The following MYO16 variants were observed in gnomAD, a reference collection of about 807,000 sequenced individuals.
MYO16 encodes myosin XVI.
In MYO16, 94 loss-of-function variants were observed where a neutral mutation model predicts 205.3. The observed-to-expected ratio is 0.46, with a 90% CI of 0.39 to 0.54. MYO16 has a LOEUF of 0.54. Among genes scored for constraint, MYO16 ranks in the 20% least tolerant of loss-of-function variants. The pLI, the probability that MYO16 is intolerant of heterozygous loss-of-function variation, is 0.00. For synonymous variants in MYO16, 988 were observed against 954.0 expected (o/e 1.04, Z -0.66); for missense variants, 2,315 against 2,387.5 (o/e 0.97, Z 0.63).
chr13:108,776,878 A>G (rs1886140986), intron 4 of MYO16, among the ~76,000 whole-genome samples: 1 of 152,184 alleles, frequency 6.6e-6, no homozygotes, highest in Admixed American at 6.5e-5. Flanking sequence ...CAGAGATTTG[A>G]ACTGGATTTG....
chr13:108,963,053 C>T (rs1418153888), intron 19 of MYO16, among the ~76,000 whole-genome samples: 3 of 152,220 alleles, frequency 2.0e-5, no homozygotes, highest in Admixed American at 6.5e-5. Context: ...GAATTAGAAT[C>T]TAGCGCTGTC....
At chr13:108,744,021 A>G (rs1884986719) in intron 4 of MYO16, among the ~76,000 whole-genome samples, 1 of 152,252 alleles carries the variant, frequency 6.6e-6, no homozygotes, top group Non-Finnish European at 1.5e-5. Context: ...GAGAATAAGT[A>G]TACATTTAAA....
intron 13 of MYO16, 76 bp downstream of exon 13, chr13:108,883,262 A>G (rs1257126934): frequency 2.0e-6 from 3 of 1,520,404 alleles, no homozygotes; most frequent in African/African-American, 1.4e-5. Flanking sequence ...CTCATTTCCT[A>G]TGGTTTACCT....
chr13:108,727,492 T>A lies in MYO16; in HGVS notation c.416T>A (p.Val139Asp). ...GCAGAAATTCTGATTGACAGAGGAG[T>A]CAACGTCAACCACCAGGATGAAGAC... The part of the protein sequence containing the change: ...FIAEILIDRG[V>D]NVNHQDEDFW... The change falls in exon 4 of 35, where the codon GTC becomes GAC. Residue 139 changes from valine to aspartate, a missense_variant. This residue lies in a region of MYO16 where 1,213 missense variants were observed against 1,274.4 expected (regional missense o/e 0.95). Transcript: ENST00000457511. 6.2e-7 allele frequency: 1 copy of A among 1,613,850 alleles called. No homozygotes were observed. Among genetic ancestry groups the A allele is most frequent in the Non-Finnish European group, 8.5e-7 (1 of 1,179,874 alleles).
intron 1 of MYO16, among the ~76,000 whole-genome samples, chr13:108,630,150 A>G (rs1200847155): frequency 6.6e-6 from 1 of 152,124 alleles, no homozygotes; most frequent in Non-Finnish European, 1.5e-5. Flanking sequence ...CAGAAAAAAA[A>G]AAAAACACCA....
At chr13:109,046,867 C>T in intron 23 of MYO16, 49 bp from the exon 24 acceptor site, 1 of 1,439,224 alleles carries the variant, frequency 6.9e-7, no homozygotes, top group Non-Finnish European at 9.7e-7. Context: ...AATTTATTTT[C>T]ACAGTCATGT....
At chr13:108,763,344 A>G (rs1348496317) in intron 4 of MYO16, among the ~76,000 whole-genome samples, 4 of 152,214 alleles carry the variant, frequency 2.6e-5, no homozygotes, top group Non-Finnish European at 5.9e-5. Context: ...AGTAAACAAT[A>G]CTATAGAAAC....
At chr13:109,074,383 A>G (rs575431937) in intron 27 of MYO16, among the ~76,000 whole-genome samples, 44 of 152,300 alleles carry the variant, frequency 2.9e-4, no homozygotes, top group South Asian at 6.2e-4. Context: ...AAAGAAAGTA[A>G]GTTTAATTGA....
chr13:109,141,261 C>G lies in MYO16; in HGVS notation c.5049C>G (p.Ser1683Arg), dbSNP rs2139810003. 1 of 1,605,006 alleles carries G rather than the reference C, an allele frequency of 6.2e-7. No individual in the cohort carries two copies. The change falls in exon 32 of 35, where the codon AGC becomes AGG. Residue 1683 changes from serine to arginine, a missense_variant. Ser to Arg is a moderately radical substitution (Grantham distance 110). Transcript: ENST00000457511. This position sits in a 1 kb window ranked among gnomAD's most constrained non-coding sequence, Gnocchi z 4.1. ...GSSASPPAPY[S>R]PPSSRPLSSP... ...GTGCCTCGCCCCCCGCGCCCTACAGCCCTCCCAGCTCCAGGCCTCTCAGCA... is the reference window on the plus strand; with the variant it reads ...GTGCCTCGCCCCCCGCGCCCTACAGGCCTCCCAGCTCCAGGCCTCTCAGCA...
intron 32 of MYO16, among the ~76,000 whole-genome samples, chr13:109,153,734 GGGCGACA>G (rs1877816371): frequency 6.6e-6 from 1 of 152,276 alleles, no homozygotes; most frequent in South Asian, 2.1e-4. Flanking sequence ...ACTCCAGCCT[GGGCGACA>G]GGGCGAGACT....
intron 34 of MYO16, among the ~76,000 whole-genome samples, chr13:109,183,812 G>A (rs529592598): frequency 6.6e-6 from 1 of 152,252 alleles, no homozygotes; most frequent in East Asian, 1.9e-4. Context: ...TGGGACCCAA[G>A]ATCTTAATAA....
intron 4 of MYO16, among the ~76,000 whole-genome samples, chr13:108,770,423 C>T (rs1395327204): frequency 6.6e-6 from 1 of 152,076 alleles, no homozygotes; most frequent in Non-Finnish European, 1.5e-5. Flanking sequence ...TCTAAACTTT[C>T]TGTAAAATAT....
intron 23 of MYO16, among the ~76,000 whole-genome samples, chr13:109,022,895 CAT>C (rs1475297387): frequency 7.5e-6 from 1 of 133,714 alleles, no homozygotes; most frequent in Admixed American, 8.0e-5. Context: ...TATATATACA[CAT>C]GTAAATATAT....
At chr13:109,195,683 T>G (rs1402169576) in intron 34 of MYO16, among the ~76,000 whole-genome samples, 1 of 152,174 alleles carries the variant, frequency 6.6e-6, no homozygotes, top group African/African-American at 2.4e-5. Context: ...AAATGCCTCT[T>G]TTCACCTTTG....
At chr13:109,001,918 T>TTC (rs71125359) in intron 21 of MYO16, among the ~76,000 whole-genome samples, 143,935 of 150,802 alleles carry the variant, frequency 0.95, 68,936 homozygotes, top group East Asian at 1. Context: ...ACACTATTCC[T>TTC]TCTCTCTCTC....
At chr13:108,696,499 C>T (rs1316198782) in intron 2 of MYO16, among the ~76,000 whole-genome samples, 1 of 152,158 alleles carries the variant, frequency 6.6e-6, no homozygotes, top group Non-Finnish European at 1.5e-5. Flanking sequence ...GGACATGCTG[C>T]ATTTTTCTCT....
At chr13:108,529,505 T>C in the MYO16 span, among the ~76,000 whole-genome samples, 3 of 152,198 alleles carry the variant, frequency 2.0e-5, no homozygotes, top group Admixed American at 2.0e-4. Context: ...CAGGGCAAGC[T>C]TCACTAGAGC....
chr13:109,027,504 T>C (rs1886402726), intron 23 of MYO16, among the ~76,000 whole-genome samples: 1 of 152,132 alleles, frequency 6.6e-6, no homozygotes, highest in Admixed American at 6.5e-5. Flanking sequence ...GTGTTTATTG[T>C]CTGTACTCAT....
the MYO16 span, among the ~76,000 whole-genome samples, chr13:108,499,946 C>G: frequency 6.6e-6 from 1 of 151,566 alleles, no homozygotes; most frequent in African/African-American, 2.4e-5. Flanking sequence ...GCTTCTCTGA[C>G]CCCCTCCCTG....
Sources: gnomAD v4.1 joint callset for allele counts (sites outside exome capture counted in the v4.1 genomes callset) on GRCh38, gnomAD v4.1.1 for gene constraint, gnomAD v4.1.1 regional missense constraint, Gnocchi (gnomAD v3.1) non-coding constraint, MANE v1.5 for transcripts, NCBI Gene and HGNC (gene_info 2026-07-23, HGNC 2026-07-21) for gene names.